The following ZSWIM4 variants were observed in gnomAD, a reference collection of about 807,000 sequenced individuals.
ZSWIM4 encodes zinc finger SWIM-type containing 4.
In ZSWIM4, 62 loss-of-function variants were observed where a neutral mutation model predicts 102.5. The observed-to-expected ratio is 0.60, with a 90% confidence interval of 0.49 to 0.75. ZSWIM4 has a LOEUF of 0.75. Ranked by LOEUF, ZSWIM4 falls within the 30% of genes least tolerant of loss-of-function variation. The pLI, the probability that ZSWIM4 is intolerant of heterozygous loss-of-function variation, is 0.00. For synonymous variants in ZSWIM4, 652 were observed against 674.5 expected (o/e 0.97, Z 0.52); for missense variants, 1,280 against 1,529.6 (o/e 0.84, Z 2.72).
Position 13,831,269 on chromosome 19 carries a change from A to C in ZSWIM4, c.*219A>C. The C allele has an allele frequency of 1.7e-6, 1 of 590,452 alleles. No homozygotes were observed. Among genetic ancestry groups the C allele is most frequent in the Non-Finnish European group, 2.8e-6 (1 of 356,406 alleles). 36.6% of individuals were successfully genotyped at this position (590,452 alleles called of 1,614,324 possible). ...AAGCAGAAGCCATACTGCCACCCAG[A>C]AGCCTGGAAGGGGTGTGTGCTTGGG... On this transcript the variant is annotated 3_prime_UTR_variant, in exon 14 of 14. Coordinates refer to ENST00000590508, the MANE Select transcript of ZSWIM4 (RefSeq NM_001367834.3).
intron 2 of ZSWIM4, among the ~76,000 whole-genome samples, chr19:13,802,401 G>A (rs1484227754): frequency 6.6e-6 from 1 of 150,894 alleles, no homozygotes; most frequent in Non-Finnish European, 1.5e-5. Flanking sequence ...CCAACATGGT[G>A]AAACCCCGTC....
chr19:13,828,366 C>T (rs1346670303), intron 12 of ZSWIM4, among the ~76,000 whole-genome samples: 1 of 151,986 alleles, frequency 6.6e-6, no homozygotes, highest in Non-Finnish European at 1.5e-5. Flanking sequence ...CAAGATCGCA[C>T]CACTGCATGC....
At chr19:13,810,151 A>C in intron 5 of ZSWIM4, among the ~76,000 whole-genome samples, 1 of 149,942 alleles carries the variant, frequency 6.7e-6, no homozygotes, top group Admixed American at 6.7e-5. Context: ...CCCGCCACTA[A>C]GTCCGGCTAA....
At chr19:13,805,216 G>A (rs1974887792) in intron 3 of ZSWIM4, 68 bp downstream of exon 3, 3 of 1,378,268 alleles carry the variant, frequency 2.2e-6, no homozygotes, top group Non-Finnish European at 1.0e-6. Context: ...CTTGCTGTGT[G>A]CCCAGTGCTG....
At chr19:13,799,591 A>T in intron 1 of ZSWIM4, 129 bp from the exon 2 acceptor site, 1 of 897,686 alleles carries the variant, frequency 1.1e-6, no homozygotes, top group Non-Finnish European at 1.8e-6. Context: ...TTTTGTAAAG[A>T]TGGGAGCCTC....
intron 2 of ZSWIM4, among the ~76,000 whole-genome samples, chr19:13,802,439 G>T (rs1974799018): frequency 6.6e-6 from 1 of 151,860 alleles, no homozygotes; most frequent in African/African-American, 2.4e-5. Context: ...AATTAGCCAG[G>T]TGTGGTGGCA....
chr19:13,817,979 G>A lies in ZSWIM4; in HGVS notation c.1924+3G>A. On this transcript the variant is annotated splice_donor_region_variant and intron_variant, in intron 9 of 13. Coordinates refer to ENST00000590508, the MANE Select transcript of ZSWIM4 (RefSeq NM_001367834.3). ...GCAGGCGGGGCTGCTGCTGGAAGGTGAGGCCGCGCCCCTAGGCCTGGCTGT... is the reference window on the plus strand; with the variant it reads ...GCAGGCGGGGCTGCTGCTGGAAGGTAAGGCCGCGCCCCTAGGCCTGGCTGT... 6.7e-7 allele frequency: 1 copy of A among 1,500,860 alleles called. No homozygotes were observed. Among genetic ancestry groups the A allele is most frequent in the Non-Finnish European group, 8.9e-7 (1 of 1,120,892 alleles). 93.0% of individuals were successfully genotyped at this position (1,500,860 alleles called of 1,614,324 possible). A position where few individuals can be genotyped will look rare whatever the true frequency, so the allele number is the denominator to read the frequency against.
chr19:13,817,892 CAGCTG>C lies in ZSWIM4; in HGVS notation c.1841_1845del (p.Gln614ProfsTer11). The C allele has an allele frequency of 6.5e-7, 1 of 1,550,050 alleles. No individual in the cohort carries two copies. The highest frequency in any genetic ancestry group is 1.2e-5 in the South Asian group (1 of 83,906). On this transcript the variant is annotated frameshift_variant, in exon 9 of 14. Coordinates refer to ENST00000590508, the MANE Select transcript of ZSWIM4 (RefSeq NM_001367834.3). LOFTEE classifies it high-confidence loss of function. ...GGACAAGGTGGTGCGCAACGAGGAG[CAGCTG>C]CTGGCCCTGCTGGAGGAGGTGGAGT... is the stretch of plus-strand genomic sequence containing the variant.
intron 5 of ZSWIM4, among the ~76,000 whole-genome samples, chr19:13,810,391 CAA>C (rs1975046124): frequency 6.6e-6 from 1 of 151,750 alleles, no homozygotes; most frequent in Non-Finnish European, 1.5e-5. Flanking sequence ...CTCCTGGGTT[CAA>C]ATGATTCTCC....
intron 12 of ZSWIM4, among the ~76,000 whole-genome samples, chr19:13,826,065 T>G (rs1370297467): frequency 6.6e-6 from 1 of 152,098 alleles, no homozygotes; most frequent in African/African-American, 2.4e-5. Context: ...AACCTCACCT[T>G]TAGGGGCGGG....
At position 13,825,256 on chromosome 19, in the gene ZSWIM4, T is replaced by C. The variant is rs1469779268; in HGVS notation, c.2216-294T>C. On this transcript the variant is annotated intron_variant, in intron 11 of 13. Coordinates refer to ENST00000590508, the MANE Select transcript of ZSWIM4 (RefSeq NM_001367834.3). This position sits in a 1 kb window ranked among gnomAD's most constrained non-coding sequence, Gnocchi z 4.6. ...GTTGGCCAGGCTGGTCTCAAACTCT[T>C]GACCTCGTGATCCACCCACCTCAGC... Among the ~76,000 whole-genome samples, 2 of 152,170 alleles carry C rather than the reference T, an allele frequency of 1.3e-5. No individual in the cohort carries two copies. The highest frequency in any genetic ancestry group is 3.9e-4 in the East Asian group (2 of 5,176).
In ZSWIM4 at chr19:13,830,733, C is replaced by T; in HGVS notation, c.3004C>T (p.Arg1002Cys). The T allele has an allele frequency of 2.5e-6, 4 of 1,608,386 alleles. No homozygotes were observed. The highest frequency in any genetic ancestry group is 2.2e-5 in the East Asian group (1 of 44,774). Residue 1002 changes from arginine to cysteine, a missense_variant, in exon 14 of 14, where the codon CGC becomes TGC. By Grantham distance (180) the Arg-to-Cys change is radical. Coordinates refer to ENST00000590508, the MANE Select transcript of ZSWIM4 (RefSeq NM_001367834.3). The part of the protein sequence containing the change: ...CAPMLSDILR[R>C]WTLSAPGLGP... Reference sequence around the variant, plus strand: ...CCCAATGCTGTCCGATATTCTGCGCCGCTGGACTCTCTCGGCGCCCGGTCT... The same window carrying T: ...CCCAATGCTGTCCGATATTCTGCGCTGCTGGACTCTCTCGGCGCCCGGTCT...
Position 13,820,447 on chromosome 19 carries a change from G to C in ZSWIM4, c.2060+955G>C, listed in dbSNP as rs545719265. Among the ~76,000 whole-genome samples the C allele has an allele frequency of 1.4e-4, 21 of 152,268 alleles. No homozygotes were observed. In the East Asian group the frequency reaches 4.0e-3, roughly 29 times the overall value. Reference sequence around the variant, plus strand: ...GACGGGGTTTCACCATGTTGCTCAGGCTGGTCTCGAATTTCTGAGCTCAAG... The same window carrying C: ...GACGGGGTTTCACCATGTTGCTCAGCCTGGTCTCGAATTTCTGAGCTCAAG... On this transcript the variant is annotated intron_variant, in intron 10 of 13. Transcript: ENST00000590508.
At position 13,830,261 on chromosome 19, in the gene ZSWIM4, C is replaced by T. The variant is rs112261548; in HGVS notation, c.2532C>T (p.Ile844=). 2.2e-3 allele frequency: 3,558 copies of T among 1,613,970 alleles called. 14 individuals are homozygous for T. The highest frequency in any genetic ancestry group is 2.6e-3 in the Non-Finnish European group (3,109 of 1,180,030). The change falls in exon 14 of 14, where the codon ATC becomes ATT. Residue 844 remains isoleucine (I), a synonymous_variant. Transcript: ENST00000590508. The stretch of plus-strand genomic sequence containing the variant: ...TCACACCAGTGGAGGCGGCTACCAT[C>T]GTGGCAGTGACGGGCACCACACACG... ...SLFTPVEAAT[I]VAVTGTTHAT...
At chr19:13,807,199 TA>T (rs1326990375) in intron 3 of ZSWIM4, among the ~76,000 whole-genome samples, 1 of 151,860 alleles carries the variant, frequency 6.6e-6, no homozygotes, top group Non-Finnish European at 1.5e-5. Context: ...AGTGGGCAGA[TA>T]GATCAATAAG....
chr19:13,819,533 G>A, intron 10 of ZSWIM4, 41 bp downstream of exon 10: 3 of 1,552,320 alleles, frequency 1.9e-6, no homozygotes, highest in Admixed American at 1.9e-5. Flanking sequence ...GGGAGCTGGG[G>A]GGAAGAGGGG....
At chr19:13,810,837 C>T (rs1378359318) in intron 5 of ZSWIM4, among the ~76,000 whole-genome samples, 1 of 150,426 alleles carries the variant, frequency 6.6e-6, no homozygotes, top group Non-Finnish European at 1.5e-5. Flanking sequence ...GTCTCGATCC[C>T]CTGACCTCAT....
intron 10 of ZSWIM4, among the ~76,000 whole-genome samples, chr19:13,822,959 A>G (rs926159448): frequency 6.6e-6 from 1 of 151,810 alleles, no homozygotes; most frequent in Non-Finnish European, 1.5e-5. Flanking sequence ...AGCCTGGGCA[A>G]AAAGAGTGAA....
chr19:13,815,462 T>C (rs1487571952), intron 7 of ZSWIM4: 1 of 116,854 alleles, frequency 8.6e-6, no homozygotes, highest in Non-Finnish European at 1.8e-5. Flanking sequence ...GGAAATTTTT[T>C]TTTTTTTTTT....
Sources: allele counts gnomAD v4.1 joint callset (sites outside exome capture counted in the v4.1 genomes callset), GRCh38; gene constraint gnomAD v4.1.1; non-coding constraint Gnocchi (gnomAD v3.1); transcripts MANE v1.5; gene names NCBI Gene and HGNC (gene_info 2026-07-23, HGNC 2026-07-21).